ICOS: variants seen among roughly 807,000 people sequenced by gnomAD.
The protein encoded by ICOS is inducible T cell costimulator.
ICOS carries 15 observed loss-of-function variants against 24.6 expected under a neutral mutation model. The ratio of observed to expected loss-of-function variants is 0.61; its 90% CI spans 0.41 to 0.94. The LOEUF is 0.94. Ranked by LOEUF, ICOS falls within the 40% of genes least tolerant of loss-of-function variation. The pLI, the probability that ICOS is intolerant of heterozygous loss-of-function variation, is 0.00. For missense variants in ICOS, 200 were observed against 233.0 expected (o/e 0.86, Z 0.92); for synonymous variants, 89 against 77.5 (o/e 1.15, Z -0.78).
At position 203,955,848 on chromosome 2, in the gene ICOS, A is replaced by G. The variant is rs1314279149; in HGVS notation, c.271A>G (p.Ser91Gly). 6.2e-7 allele frequency: 1 copy of G among 1,613,676 alleles called. No individual in the cohort carries two copies. The highest frequency in any genetic ancestry group is 1.3e-5 in the African/African-American group (1 of 74,914). Residue 91 changes from serine to glycine, a missense_variant, in exon 2 of 5, where the codon AGT becomes GGT. Physicochemically the swap from Ser to Gly is moderately conservative, Grantham distance 56. Transcript: ENST00000316386. ...KFCHSQLSNN[S>G]VSFFLYNLDH... ...CTGCCATTCTCAGTTATCCAACAACAGTGTCTCTTTTTTTCTATACAACTT... is the reference window on the plus strand; with the variant it reads ...CTGCCATTCTCAGTTATCCAACAACGGTGTCTCTTTTTTTCTATACAACTT...
Position 203,936,860 on chromosome 2 carries a change from A to G in ICOS, c.46A>G (p.Lys16Glu), listed in dbSNP as rs1581596652. 1.2e-6 allele frequency: 2 copies of G among 1,609,266 alleles called. No individual in the cohort carries two copies. Among genetic ancestry groups the G allele is most frequent in the East Asian group, 2.2e-5 (1 of 44,862 alleles). Residue 16 changes from lysine to glutamate, a missense_variant, in exon 1 of 5, where the codon AAA becomes GAA. By Grantham distance (56) the Lys-to-Glu change is moderately conservative. Coordinates refer to ENST00000316386, the MANE Select transcript of ICOS (RefSeq NM_012092.4). ...WYFFLFCLRI[K>E]VLTGEINGSA... ...TTTCTTTCTCTTCTGCTTGCGCATT[A>G]AAGTTTTAACAGGTAAGTGGTGTAT...
chr2:203,956,381 T>A (rs939853562), intron 2 of ICOS, among the ~76,000 whole-genome samples: 8 of 152,212 alleles, frequency 5.3e-5, no homozygotes, highest in Non-Finnish European at 8.8e-5. Context: ...TTTTATAACA[T>A]TACTTTTACT....
chr2:203,959,342 G>A (rs1352873347), intron 4 of ICOS, among the ~76,000 whole-genome samples: 1 of 152,198 alleles, frequency 6.6e-6, no homozygotes, highest in Non-Finnish European at 1.5e-5. Flanking sequence ...CAGTTTCAAA[G>A]TGATGAGTTT....
chr2:203,939,025 C>T (rs1689716835), intron 1 of ICOS, among the ~76,000 whole-genome samples: 1 of 152,146 alleles, frequency 6.6e-6, no homozygotes, highest in Non-Finnish European at 1.5e-5. Context: ...ACTTGCTTGT[C>T]CTCTGTTGTA....
At chr2:203,942,411 G>A (rs1559032677) in intron 1 of ICOS, among the ~76,000 whole-genome samples, 1 of 152,240 alleles carries the variant, frequency 6.6e-6, no homozygotes, top group East Asian at 1.9e-4. Context: ...GATAAGTGAT[G>A]GGAAAATCAT....
Position 203,961,577 on chromosome 2 carries a change from A to T in ICOS, c.*1978A>T, listed in dbSNP as rs963493872. The T allele has an allele frequency of 6.6e-6, 1 of 152,206 alleles. No individual in the cohort carries two copies. Among genetic ancestry groups the T allele is most frequent in the African/African-American group, 2.4e-5 (1 of 41,424 alleles). 9.4% of individuals were successfully genotyped at this position (152,206 alleles called of 1,614,324 possible). A position where few individuals can be genotyped will look rare whatever the true frequency, so the allele number is the denominator to read the frequency against. ...AACATTTGATATTCAGCAACTGAAA[A>T]TACCTCACTGTGTTTTCTTGGGGGG... On this transcript the variant is annotated 3_prime_UTR_variant, in exon 5 of 5. Coordinates refer to ENST00000316386, the MANE Select transcript of ICOS (RefSeq NM_012092.4).
Position 203,955,736 on chromosome 2 carries a change from G to T in ICOS, c.159G>T (p.Met53Ile), listed in dbSNP as rs2105754139. ...CTGACATTGTCCAGCAATTTAAAAT[G>T]CAGTTGCTGAAAGGGGGGCAAATAC... ...KYPDIVQQFK[M>I]QLLKGGQILC... The change falls in exon 2 of 5, where the codon ATG becomes ATT. Residue 53 changes from methionine (M) to isoleucine (I), a missense_variant. Coordinates refer to ENST00000316386, the MANE Select transcript of ICOS (RefSeq NM_012092.4). 1 of 1,613,386 alleles carries T rather than the reference G, an allele frequency of 6.2e-7. No individual in the cohort carries two copies. The highest frequency in any genetic ancestry group is 1.3e-5 in the African/African-American group (1 of 75,018).
At chr2:203,943,868 C>G (rs1307987623) in intron 1 of ICOS, among the ~76,000 whole-genome samples, 1 of 152,012 alleles carries the variant, frequency 6.6e-6, no homozygotes, top group African/African-American at 2.4e-5. Flanking sequence ...GAGTTGTGTA[C>G]CTAGGAGGAT....
At chr2:203,952,807 G>C (rs1690008576) in intron 1 of ICOS, among the ~76,000 whole-genome samples, 1 of 151,802 alleles carries the variant, frequency 6.6e-6, no homozygotes, top group South Asian at 2.1e-4. Flanking sequence ...CTTTATTTTG[G>C]GGACCTGATA....
chr2:203,955,386 T>A (rs1177368189), intron 1 of ICOS, among the ~76,000 whole-genome samples: 1 of 152,126 alleles, frequency 6.6e-6, no homozygotes, highest in Non-Finnish European at 1.5e-5. Context: ...GTAAATATAT[T>A]ATTTAATATT....
At chr2:203,949,280 C>G (rs924186557) in intron 1 of ICOS, among the ~76,000 whole-genome samples, 2 of 152,176 alleles carry the variant, frequency 1.3e-5, no homozygotes, top group African/African-American at 2.4e-5. Context: ...CTGTAACACT[C>G]AGTTGTTAGT....
intron 1 of ICOS, among the ~76,000 whole-genome samples, chr2:203,947,299 T>A (rs1309376245): frequency 6.6e-6 from 1 of 152,086 alleles, no homozygotes. Flanking sequence ...ACAGTAATAT[T>A]ATAAAAATTA....
chr2:203,956,279 T>G (rs1397324161), intron 2 of ICOS, among the ~76,000 whole-genome samples: 1 of 152,190 alleles, frequency 6.6e-6, no homozygotes, highest in Non-Finnish European at 1.5e-5. Flanking sequence ...AACTTATGGC[T>G]TAATAATGGG....
chr2:203,945,417 C>T (rs904580031), intron 1 of ICOS, among the ~76,000 whole-genome samples: 5 of 152,152 alleles, frequency 3.3e-5, no homozygotes, highest in African/African-American at 1.2e-4. Flanking sequence ...CCTGAAAAGA[C>T]AGGGTTTGGA....
intron 4 of ICOS, among the ~76,000 whole-genome samples, chr2:203,958,324 A>T (rs903740932): frequency 6.6e-6 from 1 of 152,170 alleles, no homozygotes; most frequent in South Asian, 2.1e-4. Flanking sequence ...AGGAAGAGAG[A>T]TCTGTGCTGG....
intron 1 of ICOS, among the ~76,000 whole-genome samples, chr2:203,945,859 T>G (rs1027264126): frequency 6.6e-6 from 1 of 152,158 alleles, no homozygotes; most frequent in Non-Finnish European, 1.5e-5. Context: ...GAAAGGAATT[T>G]GGAAACAAGG....
At chr2:203,957,249 G>A (rs1239545187) in intron 3 of ICOS, among the ~76,000 whole-genome samples, 1 of 152,160 alleles carries the variant, frequency 6.6e-6, no homozygotes, top group Non-Finnish European at 1.5e-5. Flanking sequence ...AATTGTAGCT[G>A]AGAAGGAAAT....
At chr2:203,940,281 T>C (rs972765906) in intron 1 of ICOS, among the ~76,000 whole-genome samples, 3 of 152,218 alleles carry the variant, frequency 2.0e-5, no homozygotes, top group East Asian at 1.9e-4. Flanking sequence ...GTGGAAATAA[T>C]TTAAAACTTA....
At chr2:203,941,480 A>T (rs944124454) in intron 1 of ICOS, among the ~76,000 whole-genome samples, 30 of 152,164 alleles carry the variant, frequency 2.0e-4, no homozygotes, top group African/African-American at 6.8e-4. Context: ...TATTTGGCTT[A>T]AAAAAATTCA....
Sources: allele counts gnomAD v4.1 joint callset (sites outside exome capture counted in the v4.1 genomes callset), GRCh38; gene constraint gnomAD v4.1.1; transcripts MANE v1.5; gene names NCBI Gene and HGNC (gene_info 2026-07-23, HGNC 2026-07-21).